Variants in IL1R1 observed in about 807,000 individuals in gnomAD.
IL1R1 encodes the protein interleukin-1 receptor type 1.
Under a neutral mutation model 50.2 loss-of-function variants are expected in IL1R1, and 22 were observed. The ratio of observed to expected loss-of-function variants is 0.44; its 90% CI spans 0.31 to 0.63. The LOEUF is 0.63. Ranked by LOEUF, IL1R1 falls within the 20% of genes least tolerant of loss-of-function variation. IL1R1 has a pLI of 0.07. For missense variants in IL1R1, 509 were observed against 676.2 expected, an observed-to-expected ratio of 0.75 and a Z score of 2.74; for synonymous variants, 251 against 236.7, an observed-to-expected ratio of 1.06 and a Z score of -0.55.
chr2:102,078,603 A>ACACG (rs1679080335), intron 1 of IL1R1, among the ~76,000 whole-genome samples: 1 of 115,148 alleles, frequency 8.7e-6, no homozygotes. Flanking sequence ...CACACACAAG[A>ACACG]AAAAAAAAAG....
intron 1 of IL1R1, among the ~76,000 whole-genome samples, chr2:102,090,818 T>C (rs1382381514): frequency 6.6e-6 from 1 of 152,224 alleles, no homozygotes; most frequent in African/African-American, 2.4e-5. Context: ...TCTGCTTTTT[T>C]CTCTTAATTA....
chr2:102,150,602 C>T (rs114178368), intron 1 of IL1R1, among the ~76,000 whole-genome samples: 4 of 152,276 alleles, frequency 2.6e-5, no homozygotes, highest in South Asian at 4.1e-4. Context: ...CACCAAACAG[C>T]GATGGGGGCT....
intron 1 of IL1R1, among the ~76,000 whole-genome samples, chr2:102,074,737 G>A (rs1439380871): frequency 5.9e-5 from 9 of 152,118 alleles, no homozygotes; most frequent in Non-Finnish European, 8.8e-5. Context: ...GAGGTAGAAG[G>A]AATTTTCACA....
chr2:102,101,688 T>C (rs572290215), upstream of IL1R1, among the ~76,000 whole-genome samples: 7 of 152,340 alleles, frequency 4.6e-5, no homozygotes, highest in Non-Finnish European at 1.0e-4. Context: ...ACTTGAGTTA[T>C]TTCTGACCTT....
chr2:102,070,545 A>T (rs1481436674), intron 1 of IL1R1: 1 of 152,126 alleles, frequency 6.6e-6, no homozygotes, highest in Non-Finnish European at 1.5e-5. Flanking sequence ...TAAGGTTTTA[A>T]AGGGCCCGCC....
intron 1 of IL1R1, among the ~76,000 whole-genome samples, chr2:102,078,952 T>C (rs895359622): frequency 6.6e-6 from 1 of 152,080 alleles, no homozygotes; most frequent in Admixed American, 6.5e-5. Flanking sequence ...AATCAATCAA[T>C]GTAATGCAAC....
intron 1 of IL1R1, among the ~76,000 whole-genome samples, chr2:102,153,216 C>T (rs1683854849): frequency 6.6e-6 from 1 of 152,122 alleles, no homozygotes; most frequent in Non-Finnish European, 1.5e-5. Context: ...GCCTCTAGTA[C>T]ATTTCTTTCT....
intron 6 of IL1R1, among the ~76,000 whole-genome samples, chr2:102,167,452 T>C (rs1685283993): frequency 7.0e-6 from 1 of 141,988 alleles, no homozygotes; most frequent in African/African-American, 2.6e-5. Context: ...GTTTTTTTTT[T>C]TTTTTTTTTT....
rs189677434 is a variant in IL1R1, at chr2:102,095,733, G to A, written c.-84+25200G>A. Among the ~76,000 whole-genome samples, 1,178 of 152,264 alleles carry A rather than the reference G, an allele frequency of 7.7e-3. 9 individuals carry two copies. The highest frequency in any genetic ancestry group is 0.024 in the Middle Eastern group (7 of 294). Reference sequence around the variant, plus strand: ...ATTTAAAGATTTTTAGGCCGGGCACGGTGGCTCACGCCTGAAATCCCAGCA... The same window carrying A: ...ATTTAAAGATTTTTAGGCCGGGCACAGTGGCTCACGCCTGAAATCCCAGCA... On this transcript the variant is annotated intron_variant, in intron 1 of 11. Transcript: ENST00000409929.
chr2:102,152,996 A>T (rs1442280519), intron 1 of IL1R1, among the ~76,000 whole-genome samples: 2 of 152,206 alleles, frequency 1.3e-5, no homozygotes, highest in African/African-American at 2.4e-5. Flanking sequence ...ACAAAAAAAA[A>T]AATTAGACTC....
chr2:102,142,686 C>A (rs1415504987), upstream of IL1R1: 1 of 151,644 alleles, frequency 6.6e-6, no homozygotes, highest in African/African-American at 2.4e-5. Flanking sequence ...CCCAGCCGAG[C>A]CGTCTCCGCC....
intron 1 of IL1R1, among the ~76,000 whole-genome samples, chr2:102,134,128 A>G (rs1291359920): frequency 6.6e-6 from 1 of 152,244 alleles, no homozygotes; most frequent in African/African-American, 2.4e-5. Context: ...AATAGCCTTC[A>G]CAATAGCATC....
chr2:102,169,847 T>A (rs954498238), intron 7 of IL1R1, among the ~76,000 whole-genome samples: 4 of 152,244 alleles, frequency 2.6e-5, no homozygotes, highest in African/African-American at 9.6e-5. Flanking sequence ...GTCTAAAAAG[T>A]CTTCTTCCAC....
chr2:102,090,342 C>T (rs966231351), intron 1 of IL1R1, among the ~76,000 whole-genome samples: 8 of 152,008 alleles, frequency 5.3e-5, no homozygotes, highest in African/African-American at 1.9e-4. Context: ...TTGCTAAGCC[C>T]CATGAAAATG....
chr2:102,116,183 C>A (rs1681061454), intron 1 of IL1R1, among the ~76,000 whole-genome samples: 1 of 152,212 alleles, frequency 6.6e-6, no homozygotes, highest in Non-Finnish European at 1.5e-5. Context: ...CTTTCGACAT[C>A]TCTCCATTTC....
At chr2:102,148,646 G>C (rs1428615997) in intron 1 of IL1R1, among the ~76,000 whole-genome samples, 1 of 152,188 alleles carries the variant, frequency 6.6e-6, no homozygotes, top group East Asian at 1.9e-4. Context: ...AACCTAGGGA[G>C]ATAGACTTCA....
intron 1 of IL1R1, among the ~76,000 whole-genome samples, chr2:102,124,191 G>A (rs2104399249): frequency 6.6e-6 from 1 of 152,290 alleles, no homozygotes; most frequent in African/African-American, 2.4e-5. Flanking sequence ...GGAGGCTGAG[G>A]TGGGCAGATT....
chr2:102,161,311 A>T (rs1684708100), intron 3 of IL1R1, among the ~76,000 whole-genome samples: 1 of 152,178 alleles, frequency 6.6e-6, no homozygotes, highest in African/African-American at 2.4e-5. Flanking sequence ...GTCTAATTTG[A>T]ATCCTTTTAA....
chr2:102,098,767 A>G (rs1353759609), intron 1 of IL1R1, among the ~76,000 whole-genome samples: 3 of 152,178 alleles, frequency 2.0e-5, no homozygotes, highest in African/African-American at 4.8e-5. Flanking sequence ...TTAATTTTCC[A>G]TCTATTCTTT....
Sources: allele counts gnomAD v4.1 joint callset (sites outside exome capture counted in the v4.1 genomes callset), GRCh38; gene constraint gnomAD v4.1.1; transcripts MANE v1.5; gene names NCBI Gene and HGNC (gene_info 2026-07-23, HGNC 2026-07-21).